Variants in RECK observed in about 807,000 individuals in gnomAD.
RECK encodes reversion-inducing cysteine-rich protein with Kazal motifs.
Under a neutral mutation model 115.1 loss-of-function variants are expected in RECK, and 69 were observed. The ratio of observed to expected loss-of-function variants is 0.60; its 90% confidence interval spans 0.49 to 0.73. The LOEUF is 0.73. Among genes scored for constraint, RECK ranks in the 30% least tolerant of loss-of-function variants. The pLI is 0.00. For synonymous variants in RECK, 414 were observed against 419.7 expected (o/e 0.99, Z 0.17); for missense variants, 1,047 against 1,203.7 (o/e 0.87, Z 1.93).
intron 10 of RECK, among the ~76,000 whole-genome samples, chr9:36,097,618 G>C (rs1422924856): frequency 6.6e-6 from 1 of 152,102 alleles, no homozygotes; most frequent in African/African-American, 2.4e-5. Flanking sequence ...AAACAGTATG[G>C]GGGGTCCTCA....
chr9:36,103,327 T>C (rs183049674), intron 12 of RECK, among the ~76,000 whole-genome samples: 102 of 152,344 alleles, frequency 6.7e-4, no homozygotes, highest in African/African-American at 2.4e-3. Context: ...ACAAATAGTC[T>C]AGGGCTTCAT....
At chr9:36,072,874 C>G (rs1239889752) in intron 6 of RECK, 7 of 152,138 alleles carry the variant, frequency 4.6e-5, no homozygotes, top group Admixed American at 2.6e-4. Context: ...CCAGTTCATT[C>G]TTCTCAGAAG....
intron 7 of RECK, among the ~76,000 whole-genome samples, chr9:36,081,993 C>A (rs1822718440): frequency 6.6e-6 from 1 of 151,926 alleles, no homozygotes; most frequent in Admixed American, 6.6e-5. Context: ...TCAGTTCAGT[C>A]CTAGTTCAGT....
chr9:36,052,823 TC>T (rs1821360144), intron 2 of RECK, among the ~76,000 whole-genome samples: 1 of 152,196 alleles, frequency 6.6e-6, no homozygotes, highest in Non-Finnish European at 1.5e-5. Flanking sequence ...CAATTTGTGA[TC>T]CTGGATTGGA....
chr9:36,079,893 T>G (rs1401268211), intron 6 of RECK, among the ~76,000 whole-genome samples: 1 of 152,148 alleles, frequency 6.6e-6, no homozygotes, highest in Non-Finnish European at 1.5e-5. Flanking sequence ...CAGGGTGGTG[T>G]TTTCTGAACA....
At chr9:36,042,196 C>T (rs1820894472) in intron 1 of RECK, among the ~76,000 whole-genome samples, 1 of 152,006 alleles carries the variant, frequency 6.6e-6, no homozygotes, top group Non-Finnish European at 1.5e-5. Flanking sequence ...TTTTATCCCT[C>T]ATCCCCCGCT....
At chr9:36,100,737 G>A (rs1328602164) in intron 11 of RECK, among the ~76,000 whole-genome samples, 194 bp downstream of exon 11, 1 of 151,952 alleles carries the variant, frequency 6.6e-6, no homozygotes, top group East Asian at 1.9e-4. Context: ...GGCTGTCCTT[G>A]TCTCCTCTGA....
chr9:36,112,193 C>T, intron 15 of RECK, 112 bp from the exon 16 acceptor site: 2 of 660,782 alleles, frequency 3.0e-6, no homozygotes, highest in South Asian at 2.7e-5. Context: ...ATTTACAATT[C>T]TATTTTAACG....
intron 13 of RECK, among the ~76,000 whole-genome samples, chr9:36,107,687 C>A (rs770059047): frequency 1.2e-4 from 18 of 151,914 alleles, no homozygotes; most frequent in Middle Eastern, 3.4e-3. Flanking sequence ...TTTTACTAGC[C>A]CCTACAAATA....
Position 36,108,091 on chromosome 9 carries a change from A to G in RECK, c.1692A>G (p.Gly564=). 2 of 1,614,036 alleles carry G rather than the reference A, an allele frequency of 1.2e-6. No homozygotes were observed. The highest frequency in any genetic ancestry group is 1.7e-6 in the Non-Finnish European group (2 of 1,179,942). The change falls in exon 14 of 21, where the codon GGA becomes GGG. Residue 564 remains glycine (G), a synonymous_variant. Transcript: ENST00000377966. ...AAATCTGTTCATGTGGACAAAGTGG[A>G]CTCTTAGAAAACTGTATGGAAATGC... The part of the protein sequence containing the change: ...CYKICSCGQS[G]LLENCMEMHC...
chr9:36,061,393 TACACACACACAC>T (rs58265948), intron 4 of RECK, among the ~76,000 whole-genome samples: 24 of 129,118 alleles, frequency 1.9e-4, no homozygotes, highest in South Asian at 5.8e-4. Context: ...TGTAATTTTC[TACACACACACAC>T]ACACACACAC....
intron 17 of RECK, 84 bp from the exon 18 acceptor site, chr9:36,118,666 TCCTGAAA>T: frequency 3.3e-6 from 4 of 1,227,004 alleles, no homozygotes; most frequent in Admixed American, 4.3e-5. Flanking sequence ...CTTTTTTCCT[TCCTGAAA>T]ATAGGGAGGC....
chr9:36,083,284 A>G (rs1822801613), intron 7 of RECK, 81 bp from the exon 8 acceptor site: 4 of 1,386,354 alleles, frequency 2.9e-6, no homozygotes, highest in Non-Finnish European at 4.0e-6. Context: ...AGAAAGACAT[A>G]TTGTTCCATC....
At chr9:36,062,160 C>CTT (rs770648750) in intron 4 of RECK, among the ~76,000 whole-genome samples, 39,374 of 131,674 alleles carry the variant, frequency 0.3, 7,090 homozygotes, top group Middle Eastern at 0.43. Flanking sequence ...GCATCTCCTA[C>CTT]TTTTTTTTTT....
chr9:36,101,120 T>C (rs960101502), intron 11 of RECK, among the ~76,000 whole-genome samples: 1 of 152,028 alleles, frequency 6.6e-6, no homozygotes, highest in African/African-American at 2.4e-5. Flanking sequence ...GCCCAGCTAA[T>C]GTTTGTATTC....
At chr9:36,058,317 C>T (rs1473405553) in intron 2 of RECK, among the ~76,000 whole-genome samples, 1 of 148,746 alleles carries the variant, frequency 6.7e-6, no homozygotes, top group Non-Finnish European at 1.5e-5. Context: ...GAATACTATG[C>T]AGCCATAAAA....
intron 12 of RECK, among the ~76,000 whole-genome samples, chr9:36,104,292 G>GTGTGTGTATATA (rs34438663): frequency 2.3e-5 from 1 of 43,884 alleles, no homozygotes; most frequent in Non-Finnish European, 3.9e-5. Flanking sequence ...GTGTGTGTGT[G>GTGTGTGTATATA]TATATATATA....
chr9:36,049,832 GC>G (rs1564099873), intron 1 of RECK, among the ~76,000 whole-genome samples: 1 of 152,188 alleles, frequency 6.6e-6, no homozygotes, highest in Non-Finnish European at 1.5e-5. Flanking sequence ...TCAGGCTTTT[GC>G]CCTTTATTTC....
At position 36,091,181 on chromosome 9, in the gene RECK, T is replaced by C. The variant is rs372625092; in HGVS notation, c.923T>C (p.Leu308Pro). 100 of 1,613,940 alleles carry C rather than the reference T, an allele frequency of 6.2e-5. No homozygotes were observed. Among genetic ancestry groups the C allele is most frequent in the Non-Finnish European group, 8.0e-5 (94 of 1,179,952 alleles). The change falls in exon 10 of 21, where the codon CTT (leucine) becomes CCT (proline). Residue 308 changes from leucine to proline, a missense_variant. Leu to Pro is a moderately conservative substitution (Grantham distance 98). Transcript: ENST00000377966. Reference sequence around the variant, plus strand: ...TGTTTCAGGGAACTCTGCACTAAACTTTACAGCATGAGCTGGGGCAATACA... The same window carrying C: ...TGTTTCAGGGAACTCTGCACTAAACCTTACAGCATGAGCTGGGGCAATACA... ...TSTCRELCTK[L>P]YSMSWGNTQS...
Sources: gnomAD v4.1 joint callset for allele counts (sites outside exome capture counted in the v4.1 genomes callset) on GRCh38, gnomAD v4.1.1 for gene constraint, MANE v1.5 for transcripts, NCBI Gene and HGNC (gene_info 2026-07-23, HGNC 2026-07-21) for gene names.